Variants in INPP4B observed in about 807,000 individuals in gnomAD.
INPP4B encodes the protein inositol polyphosphate 4-phosphatase type II.
Under a neutral mutation model 122.5 loss-of-function variants are expected in INPP4B, and 55 were observed. The ratio of observed to expected loss-of-function variants is 0.45; its 90% CI spans 0.36 to 0.56. The LOEUF (loss-of-function observed/expected upper bound fraction) is 0.56. Ranked by LOEUF, INPP4B falls within the 20% of genes least tolerant of loss-of-function variation. INPP4B has a pLI of 0.00. For synonymous variants in INPP4B, 403 were observed against 388.7 expected, an observed-to-expected ratio of 1.04 and a Z score of -0.43; for missense variants, 1,000 against 1,097.7, an observed-to-expected ratio of 0.91 and a Z score of 1.26.
chr4:142,225,985 G>A (rs1851375723), intron 12 of INPP4B, among the ~76,000 whole-genome samples: 1 of 152,106 alleles, frequency 6.6e-6, no homozygotes, highest in African/African-American at 2.4e-5. Flanking sequence ...TGGAGTTTAA[G>A]TTATACATGT....
intron 2 of INPP4B, chr4:142,654,367 T>TTAAAAAAAA: frequency 9.9e-6 from 1 of 100,984 alleles, no homozygotes; most frequent in Admixed American, 1.2e-4. Flanking sequence ...ACTTAAAGTA[T>TTAAAAAAAA]AAAAAAAAAA....
chr4:142,609,119 C>A (rs1479990733), intron 2 of INPP4B, among the ~76,000 whole-genome samples: 1 of 151,844 alleles, frequency 6.6e-6, no homozygotes, highest in African/African-American at 2.4e-5. Flanking sequence ...TTATTGTTTT[C>A]TGAGGTTTCT....
At chr4:142,455,629 A>G (rs1199075486) in intron 3 of INPP4B, among the ~76,000 whole-genome samples, 2 of 152,010 alleles carry the variant, frequency 1.3e-5, no homozygotes, top group Non-Finnish European at 2.9e-5. Flanking sequence ...GAATGCAGAT[A>G]TCTCTTCTAT....
At chr4:142,265,610 G>A (rs143658078) in intron 10 of INPP4B, among the ~76,000 whole-genome samples, 15 of 152,146 alleles carry the variant, frequency 9.9e-5, no homozygotes, top group African/African-American at 3.4e-4. Flanking sequence ...CTCAAACATC[G>A]ATATTCTTAA....
intron 2 of INPP4B, among the ~76,000 whole-genome samples, chr4:142,715,331 A>G (rs924930032): frequency 6.6e-6 from 1 of 152,228 alleles, no homozygotes; most frequent in Admixed American, 6.5e-5. Flanking sequence ...AAATGTTGCT[A>G]GTGTAAAGAA....
intron 10 of INPP4B, among the ~76,000 whole-genome samples, chr4:142,263,254 T>C (rs1218746678): frequency 1.3e-5 from 2 of 152,194 alleles, no homozygotes; most frequent in Non-Finnish European, 1.5e-5. Context: ...TGTTACTTAT[T>C]GGGTTTTCTC....
At chr4:142,592,679 T>G (rs1205078615) in intron 2 of INPP4B, among the ~76,000 whole-genome samples, 1 of 152,224 alleles carries the variant, frequency 6.6e-6, no homozygotes, top group Non-Finnish European at 1.5e-5. Flanking sequence ...GCAGTCATCA[T>G]TTTTTTCTTT....
At chr4:142,359,177 T>C (rs1784580727) in intron 7 of INPP4B, among the ~76,000 whole-genome samples, 1 of 151,816 alleles carries the variant, frequency 6.6e-6, no homozygotes, top group Non-Finnish European at 1.5e-5. Context: ...CTTTCTTCCC[T>C]TTCTTTAAAA....
intron 7 of INPP4B, among the ~76,000 whole-genome samples, chr4:142,376,838 C>G (rs1451294419): frequency 1.3e-5 from 2 of 151,998 alleles, no homozygotes; most frequent in Non-Finnish European, 2.9e-5. Flanking sequence ...GTTGCCTAAT[C>G]CACATGGTAA....
chr4:142,787,167 A>C (rs1775877238), intron 1 of INPP4B, among the ~76,000 whole-genome samples: 1 of 152,172 alleles, frequency 6.6e-6, no homozygotes, highest in African/African-American at 2.4e-5. Flanking sequence ...AATAAATGTC[A>C]GGTTCAGGAT....
intron 2 of INPP4B, among the ~76,000 whole-genome samples, chr4:142,647,024 G>T (rs111695806): frequency 2.0e-5 from 3 of 152,264 alleles, no homozygotes; most frequent in Admixed American, 6.5e-5. Context: ...TAACTTTACT[G>T]GTGGATAAAA....
intron 12 of INPP4B, among the ~76,000 whole-genome samples, chr4:142,226,153 A>C (rs964921736): frequency 2.0e-5 from 3 of 152,202 alleles, no homozygotes; most frequent in Admixed American, 2.0e-4. Context: ...GTTTGGCAAG[A>C]CCTACATAAC....
chr4:142,767,203 G>T (rs1772284329), intron 1 of INPP4B, among the ~76,000 whole-genome samples: 1 of 152,274 alleles, frequency 6.6e-6, no homozygotes, highest in East Asian at 1.9e-4. Flanking sequence ...CACTCTTTTA[G>T]ATTGTTCTTC....
intron 8 of INPP4B, among the ~76,000 whole-genome samples, chr4:142,311,361 A>G (rs574669242): frequency 6.6e-6 from 1 of 152,258 alleles, no homozygotes; most frequent in South Asian, 2.1e-4. Context: ...CTTACCTGCC[A>G]TTTTGAGTTC....
At chr4:142,139,435 T>C (rs1311584898) in intron 18 of INPP4B, among the ~76,000 whole-genome samples, 1 of 151,938 alleles carries the variant, frequency 6.6e-6, no homozygotes, top group Non-Finnish European at 1.5e-5. Context: ...GCCTCCCGAG[T>C]AGCTGGGACT....
rs373739897 is a variant in INPP4B, at chr4:142,595,722, G to A, written c.-191+130117C>T. 3.3e-4 allele frequency among the ~76,000 whole-genome samples: 51 copies of A among 152,248 alleles called. No homozygotes were observed. The East Asian group carries it at 7.0e-3, about 21-fold the overall frequency. ...TACAAGTAATTAAGCAGTCATTTGA[G>A]GGAACAAATTTTGCTTTGCTCTTCA... On this transcript the variant is annotated intron_variant, in intron 2 of 25. Transcript: ENST00000262992.
intron 12 of INPP4B, among the ~76,000 whole-genome samples, chr4:142,209,776 G>C (rs1237123744): frequency 9.9e-6 from 1 of 100,734 alleles, no homozygotes; most frequent in Non-Finnish European, 1.8e-5. Context: ...CTGGGTGACA[G>C]AGTAAGACCC....
intron 5 of INPP4B, among the ~76,000 whole-genome samples, chr4:142,407,830 A>C (rs1286450220): frequency 6.6e-6 from 1 of 152,168 alleles, no homozygotes; most frequent in Non-Finnish European, 1.5e-5. Flanking sequence ...TGCCTCATCT[A>C]TCTACCTACC....
chr4:142,577,305 C>G (rs1215692058), intron 2 of INPP4B, among the ~76,000 whole-genome samples: 3 of 152,000 alleles, frequency 2.0e-5, no homozygotes, highest in Admixed American at 6.6e-5. Flanking sequence ...TGTCCAATTT[C>G]AAGCCTACCA....
Sources: allele counts gnomAD v4.1 joint callset (sites outside exome capture counted in the v4.1 genomes callset), GRCh38; gene constraint gnomAD v4.1.1; transcripts MANE v1.5; gene names NCBI Gene and HGNC (gene_info 2026-07-23, HGNC 2026-07-21).